The following TSC2 variants were observed in gnomAD, a reference collection of about 807,000 sequenced individuals.
TSC2 encodes tuberin.
Under a neutral mutation model 202.2 loss-of-function variants are expected in TSC2, and 29 were observed. That is an observed-to-expected ratio of 0.14 (90% CI 0.11 to 0.20). The LOEUF is 0.20. Ranked by LOEUF, TSC2 falls within the 10% of genes least tolerant of loss-of-function variation. The pLI, the probability that TSC2 is intolerant of heterozygous loss-of-function variation, is 1.00. For synonymous variants in TSC2, 1,349 were observed against 1,044.0 expected (o/e 1.29, Z -5.63); for missense variants, 2,429 against 2,420.0 (o/e 1.00, Z -0.08).
At chr16:2,078,052 G>A (rs888764414) in intron 26 of TSC2, among the ~76,000 whole-genome samples, 1 of 152,224 alleles carries the variant, frequency 6.6e-6, no homozygotes, top group African/African-American at 2.4e-5. Context: ...TGGCCTTTTC[G>A]TATTCTCTAG....
In TSC2 at chr16:2,088,904, C is replaced by CACA; in HGVS notation, c.*294_*295insACA. ...GCGCACACACACACACACACAGTCA[C>CACA]CTTCCTCCACCCTGGGAGCCAGCCC... is the stretch of plus-strand genomic sequence containing the variant. On this transcript the variant is annotated 3_prime_UTR_variant, in exon 42 of 42. Transcript: ENST00000219476. 1 of 420,128 alleles carries CACA rather than the reference C, an allele frequency of 2.4e-6. No homozygotes were observed. The highest frequency in any genetic ancestry group is 4.4e-6 in the Non-Finnish European group (1 of 228,938). The allele number at this position is 420,128 out of a possible 1,614,324, so 26.0% of individuals were successfully genotyped here.
chr16:2,079,338 A>G lies in TSC2; in HGVS notation c.3194A>G (p.Lys1065Arg), dbSNP rs2151438552. Residue 1065 changes from lysine (K) to arginine (R), a missense_variant, in exon 28 of 42, where the codon AAG becomes AGG. Physicochemically the swap from Lys to Arg is conservative, Grantham distance 26. Transcript: ENST00000219476. This position sits in a 1 kb window ranked among gnomAD's most constrained non-coding sequence, Gnocchi z 4.6. Reference sequence around the variant, plus strand: ...ACCAAAACCTGGCTGGTTGGGAACAAGCTTGTCACTGTGACGACAAGCGTG... The same window carrying G: ...ACCAAAACCTGGCTGGTTGGGAACAGGCTTGTCACTGTGACGACAAGCGTG... ...GRTKTWLVGN[K>R]LVTVTTSVGT... 6.2e-7 allele frequency: 1 copy of G among 1,613,024 alleles called. No homozygotes were observed. Among genetic ancestry groups the G allele is most frequent in the Non-Finnish European group, 8.5e-7 (1 of 1,180,026 alleles).
rs112428250 is a variant in TSC2 at position 2,068,223 on chromosome 16, A to G, written c.1717-2233A>G. 4.9e-3 allele frequency among the ~76,000 whole-genome samples: 748 copies of G among 152,232 alleles called. 7 individuals are homozygous for G. Among genetic ancestry groups the G allele is most frequent in the Non-Finnish European group, 8.4e-3 (569 of 68,016 alleles). ...CCTGGCTAATTTTTGTATTTTTAGT[A>G]GTGACATGGTTTCACCATGTTGGCC... is the stretch of plus-strand genomic sequence containing the variant. On this transcript the variant is annotated intron_variant, in intron 16 of 41. Transcript: ENST00000219476.
chr16:2,085,683 G>A (rs1446844226), intron 36 of TSC2, among the ~76,000 whole-genome samples: 5 of 152,222 alleles, frequency 3.3e-5, no homozygotes. Flanking sequence ...CAGCAGCGGG[G>A]GCCGGGCGCA....
At chr16:2,053,779 C>T (rs1200730617) in intron 4 of TSC2, 8 of 543,016 alleles carry the variant, frequency 1.5e-5, no homozygotes, top group Non-Finnish European at 2.5e-5. Context: ...TTTGCCCTTG[C>T]ACCCTTTCGG....
Position 2,088,098 on chromosome 16 carries a change from A to G in TSC2, c.5119A>G (p.Asn1707Asp). The G allele has an allele frequency of 6.2e-7, 1 of 1,612,930 alleles. No homozygotes were observed. The highest frequency in any genetic ancestry group is 1.1e-5 in the South Asian group (1 of 91,088). The change falls in exon 40 of 42, where the codon AAC becomes GAC. Residue 1707 changes from asparagine to aspartate, a missense_variant. Asn to Asp is a conservative substitution (Grantham distance 23, BLOSUM62 1). Transcript: ENST00000219476. The stretch of plus-strand genomic sequence containing the variant: ...CGTGGCCAAGATCGTGTCTGACCGC[A>G]ACCTGCCCTTCGTGGCCCGCCAGAT... Reference protein sequence around the residue: ...TSVAKIVSDRNLPFVARQMAL... With the variant: ...TSVAKIVSDRDLPFVARQMAL...
chr16:2,077,154 G>A (rs2089506050), intron 25 of TSC2, among the ~76,000 whole-genome samples: 1 of 152,242 alleles, frequency 6.6e-6, no homozygotes, highest in Non-Finnish European at 1.5e-5. Flanking sequence ...TACGGCCAGA[G>A]ACTACTTTCT....
chr16:2,062,820 G>A, intron 13 of TSC2, 152 bp from the exon 14 acceptor site: 5 of 984,190 alleles, frequency 5.1e-6, no homozygotes, highest in Non-Finnish European at 7.6e-6. Context: ...GGGGTCGTCT[G>A]GAGAGATGCT....
At chr16:2,050,215 C>G (rs1032585829) in intron 2 of TSC2, among the ~76,000 whole-genome samples, 185 bp from the exon 3 acceptor site, 4 of 152,230 alleles carry the variant, frequency 2.6e-5, no homozygotes, top group African/African-American at 9.6e-5. Flanking sequence ...CCTTGGCCCC[C>G]CAAAGTGCAG....
intron 6 of TSC2, 120 bp from the exon 7 acceptor site, chr16:2,056,076 G>C: frequency 7.6e-7 from 1 of 1,317,414 alleles, no homozygotes; most frequent in South Asian, 1.2e-5. Flanking sequence ...TGGGTGGGTG[G>C]GACCCCCAGG....
chr16:2,081,618 C>T lies in TSC2; in HGVS notation c.3634C>T (p.Leu1212=), dbSNP rs1358537146. 1.2e-6 allele frequency: 2 copies of T among 1,612,788 alleles called. No individual in the cohort carries two copies. The highest frequency in any genetic ancestry group is 2.2e-5 in the East Asian group (1 of 44,892). The change falls in exon 31 of 42, where the codon CTG becomes TTG. Residue 1212 remains leucine, a synonymous_variant. Transcript: ENST00000219476. ...PTGNTSWLMS[L]ENPLSPFSSD... The stretch of plus-strand genomic sequence containing the variant: ...AGGGAACACCAGCTGGCTGATGAGC[C>T]TGGAGAACCCGCTCAGCCCTTTCTC...
At position 2,084,607 on chromosome 16, in the gene TSC2, C is replaced by G. The variant is rs373018205; in HGVS notation, c.4385C>G (p.Thr1462Ser). The G allele has an allele frequency of 6.2e-6, 10 of 1,602,806 alleles. No individual in the cohort carries two copies. Among genetic ancestry groups the G allele is most frequent in the Middle Eastern group, 3.3e-4 (2 of 6,084 alleles). The change falls in exon 34 of 42, where the codon ACC becomes AGC. Residue 1462 changes from threonine (T) to serine (S), a missense_variant. By Grantham distance (58) the Thr-to-Ser change is moderately conservative. Coordinates refer to ENST00000219476, the MANE Select transcript of TSC2 (RefSeq NM_000548.5). ...SPSGLRPRGY[T>S]ISDSAPSRRG... is the part of the protein sequence containing the mutation. The stretch of plus-strand genomic sequence containing the variant: ...AGTGGCCTCCGGCCCCGAGGTTACA[C>G]CATCTCCGACTCGGCCCCATCACGC...
chr16:2,060,897 C>G lies in TSC2; in HGVS notation c.1119+84C>G. ...CACTCAGAAGATGGTACCTTGGGCC[C>G]CATCTCTGGGGGTCCCGCAGAGACT... On this transcript the variant is annotated intron_variant, in intron 11 of 41. Coordinates refer to ENST00000219476, the MANE Select transcript of TSC2 (RefSeq NM_000548.5). 3.2e-6 allele frequency: 5 copies of G among 1,547,428 alleles called. No individual in the cohort carries two copies. In the South Asian group the frequency reaches 5.7e-5, roughly 18 times the overall value.
At chr16:2,082,846 C>T (rs1270278033) in intron 32 of TSC2, 2 of 456,194 alleles carry the variant, frequency 4.4e-6, no homozygotes, top group Non-Finnish European at 8.2e-6. Context: ...AAGCCCACCC[C>T]TGGGCCTGCA....
chr16:2,074,398 C>T lies in TSC2; in HGVS notation c.2545+9C>T, dbSNP rs369385105. The T allele has an allele frequency of 9.9e-6, 16 of 1,608,782 alleles. No homozygotes were observed. Among genetic ancestry groups the T allele is most frequent in the Non-Finnish European group, 1.4e-5 (16 of 1,180,012 alleles). On this transcript the variant is annotated intron_variant, in intron 22 of 41. Coordinates refer to ENST00000219476, the MANE Select transcript of TSC2 (RefSeq NM_000548.5). The stretch of plus-strand genomic sequence containing the variant: ...GCTGGAGTTCCTGTCCAGTGAGTCC[C>T]CGCCCTGCCTGCGCATGCACCCGAG...
chr16:2,055,847 T>C (rs1042568493), intron 6 of TSC2: 3 of 449,898 alleles, frequency 6.7e-6, no homozygotes, highest in African/African-American at 4.4e-5. Context: ...GCGGAGATCG[T>C]GCCACTGCAC....
Position 2,056,671 on chromosome 16 carries a change from G to T in TSC2, c.676G>T (p.Val226Phe). ...CTCCCTGCAGGTGCTGGACGCCGTG[G>T]TCTGCTACAACTGCCTGCCGGCTGA... ...EVSLQVLDAV[V>F]CYNCLPAESL... The change falls in exon 8 of 42, where the codon GTC becomes TTC. Residue 226 changes from valine (V) to phenylalanine (F), a missense_variant. Transcript: ENST00000219476. The T allele has an allele frequency of 6.2e-7, 1 of 1,612,164 alleles. No homozygotes were observed. Among genetic ancestry groups the T allele is most frequent in the Non-Finnish European group, 8.5e-7 (1 of 1,180,014 alleles).
At chr16:2,060,870 C>T (rs1596299448) in intron 11 of TSC2, 57 bp downstream of exon 11, 2 of 1,600,446 alleles carry the variant, frequency 1.2e-6, no homozygotes, top group Non-Finnish European at 1.7e-6. Flanking sequence ...GCAGGCTCGG[C>T]CCACTCAGAA....
At position 2,065,527 on chromosome 16, in the gene TSC2, C is replaced by T. The variant is rs2151206478; in HGVS notation, c.1608C>T (p.Ala536=). Residue 536 remains alanine (A), a synonymous_variant, in exon 16 of 42, where the codon GCC becomes GCT. Coordinates refer to ENST00000219476, the MANE Select transcript of TSC2 (RefSeq NM_000548.5). ...TGGCCTTCTCTTCAAAGGTGATGGCCCGCTCCCTCTCCCCACCCCCGGAGC... is the reference window on the plus strand; with the variant it reads ...TGGCCTTCTCTTCAAAGGTGATGGCTCGCTCCCTCTCCCCACCCCCGGAGC... The part of the protein sequence containing the change: ...SLLDIIEKVM[A]RSLSPPPELE... The T allele has an allele frequency of 6.2e-7, 1 of 1,613,690 alleles. No individual in the cohort carries two copies. The highest frequency in any genetic ancestry group is 8.5e-7 in the Non-Finnish European group (1 of 1,179,960).
Sources: allele counts gnomAD v4.1 joint callset (sites outside exome capture counted in the v4.1 genomes callset), GRCh38; gene constraint gnomAD v4.1.1; non-coding constraint Gnocchi (gnomAD v3.1); transcripts MANE v1.5; gene names NCBI Gene and HGNC (gene_info 2026-07-23, HGNC 2026-07-21).